TNFSF11: variants seen among roughly 807,000 people sequenced by gnomAD.
TNFSF11 encodes the protein tumor necrosis factor ligand superfamily member 11.
Under a neutral mutation model 32.2 loss-of-function variants are expected in TNFSF11, and 12 were observed. The ratio of observed to expected loss-of-function variants is 0.37; its 90% CI spans 0.24 to 0.60. The LOEUF is 0.60. Ranked by LOEUF, TNFSF11 falls within the 20% of genes least tolerant of loss-of-function variation. The pLI is 0.66. For synonymous variants in TNFSF11, 172 were observed against 152.1 expected, an observed-to-expected ratio of 1.13 and a Z score of -0.96; for missense variants, 345 against 398.0, an observed-to-expected ratio of 0.87 and a Z score of 1.13.
At position 42,606,807 on chromosome 13, in the gene TNFSF11, T is replaced by A. The variant is rs1566391626; in HGVS notation, c.843T>A (p.Phe281Leu). The A allele has an allele frequency of 6.2e-7, 1 of 1,613,538 alleles. No individual in the cohort carries two copies. The highest frequency in any genetic ancestry group is 8.5e-7 in the Non-Finnish European group (1 of 1,179,634). The change falls in exon 5 of 5, where the codon TTT becomes TTA. Residue 281 changes from phenylalanine to leucine, a missense_variant. Coordinates refer to ENST00000398795, the MANE Select transcript of TNFSF11 (RefSeq NM_003701.4). The part of the protein sequence containing the change: ...HFYSINVGGF[F>L]KLRSGEEISI... ...ATTCCATAAACGTTGGTGGATTTTT[T>A]AAGTTACGGTCTGGAGAGGAAATCA... is the stretch of plus-strand genomic sequence containing the variant.
At chr13:42,592,513 C>T (rs1194073141) in intron 2 of TNFSF11, among the ~76,000 whole-genome samples, 1 of 152,194 alleles carries the variant, frequency 6.6e-6, no homozygotes, top group Admixed American at 6.5e-5. Flanking sequence ...ACTCCCTCAG[C>T]ACCTGGCATG....
chr13:42,570,820 T>A (rs1873038779), upstream of TNFSF11, among the ~76,000 whole-genome samples: 1 of 152,196 alleles, frequency 6.6e-6, no homozygotes, highest in Non-Finnish European at 1.5e-5. Context: ...TAAAGCATTA[T>A]CTTTGCCTAA....
upstream of TNFSF11, among the ~76,000 whole-genome samples, chr13:42,573,643 G>A (rs1873150914): frequency 1.3e-5 from 2 of 152,194 alleles, no homozygotes. Flanking sequence ...AGGGATTTGG[G>A]AAGGGGATTG....
At chr13:42,591,903 T>G (rs1399915814) in intron 2 of TNFSF11, among the ~76,000 whole-genome samples, 1 of 152,172 alleles carries the variant, frequency 6.6e-6, no homozygotes, top group African/African-American at 2.4e-5. Context: ...AAAGTCTGCA[T>G]GTACAGGAGG....
At chr13:42,585,038 G>A (rs1379847943) in intron 2 of TNFSF11, among the ~76,000 whole-genome samples, 2 of 152,116 alleles carry the variant, frequency 1.3e-5, no homozygotes, top group Non-Finnish European at 2.9e-5. Flanking sequence ...AATGTGCTAG[G>A]CACCTTGCCA....
At chr13:42,606,441 G>A (rs1295681386) in intron 4 of TNFSF11, 56 bp from the exon 5 acceptor site, 1 of 1,598,422 alleles carries the variant, frequency 6.3e-7, no homozygotes, top group Non-Finnish European at 8.6e-7. Flanking sequence ...GAATTGTGAA[G>A]ACGTCCTTCT....
chr13:42,579,062 G>T (rs542835271), intron 1 of TNFSF11, among the ~76,000 whole-genome samples: 1 of 152,172 alleles, frequency 6.6e-6, no homozygotes, highest in South Asian at 2.1e-4. Flanking sequence ...AGCCCTCAGG[G>T]AGCCCACGAT....
chr13:42,587,214 C>T (rs149728792), intron 2 of TNFSF11, among the ~76,000 whole-genome samples: 12 of 152,294 alleles, frequency 7.9e-5, no homozygotes, highest in African/African-American at 2.9e-4. Context: ...GAAGACAGTA[C>T]CTGGAAGTGG....
intron 4 of TNFSF11, among the ~76,000 whole-genome samples, chr13:42,603,872 C>T (rs1313466200): frequency 6.6e-6 from 1 of 152,182 alleles, no homozygotes; most frequent in Non-Finnish European, 1.5e-5. Flanking sequence ...TTCCTAAAAA[C>T]ACCACGTAGA....
intron 2 of TNFSF11, among the ~76,000 whole-genome samples, chr13:42,568,278 CTG>C (rs1872939979): frequency 6.6e-6 from 1 of 152,230 alleles, no homozygotes; most frequent in Non-Finnish European, 1.5e-5. Flanking sequence ...GCTTAAATTC[CTG>C]TGTTACTCTT....
intron 2 of TNFSF11, among the ~76,000 whole-genome samples, chr13:42,599,589 G>A (rs1363398983): frequency 6.6e-6 from 1 of 151,898 alleles, no homozygotes; most frequent in Non-Finnish European, 1.5e-5. Context: ...TTTTGAGATG[G>A]AGTCTAACTC....
At chr13:42,572,068 T>G (rs1157836601), upstream of TNFSF11, among the ~76,000 whole-genome samples, 1 of 152,200 alleles carries the variant, frequency 6.6e-6, no homozygotes, top group Non-Finnish European at 1.5e-5. Flanking sequence ...GAAAGATACA[T>G]TACCTGTGAA....
Position 42,594,680 on chromosome 13 carries a change from CA to C in TNFSF11, c.388-6071del, listed in dbSNP as rs574494451. ...TACTGAGATTGAGCCAGCTCTGAGA[CA>C]TCTCCCTCCTCCTTAAGTTTGGCAA... On this transcript the variant is annotated intron_variant, in intron 2 of 4. Transcript: ENST00000398795. Among the ~76,000 whole-genome samples, 250 of 152,322 alleles carry C rather than the reference CA, an allele frequency of 1.6e-3. 1 individual carries two copies. Among genetic ancestry groups the C allele is most frequent in the African/African-American group, 5.4e-3 (224 of 41,572 alleles).
intron 1 of TNFSF11, among the ~76,000 whole-genome samples, chr13:42,565,816 A>C (rs565051944): frequency 1.5e-4 from 23 of 152,294 alleles, no homozygotes; most frequent in African/African-American, 5.5e-4. Flanking sequence ...AGATGGGTTT[A>C]AGTGAGAGGA....
At chr13:42,593,199 C>T (rs896050470) in intron 2 of TNFSF11, among the ~76,000 whole-genome samples, 7 of 152,156 alleles carry the variant, frequency 4.6e-5, no homozygotes, top group South Asian at 2.1e-4. Flanking sequence ...ACCTGTCATG[C>T]GGGAAATTCC....
intron 1 of TNFSF11, among the ~76,000 whole-genome samples, chr13:42,579,157 C>G (rs1873464393): frequency 6.6e-6 from 1 of 151,790 alleles, no homozygotes; most frequent in South Asian, 2.1e-4. Context: ...CTTTGGGAGG[C>G]CAAGGAGGGA....
intron 2 of TNFSF11, among the ~76,000 whole-genome samples, chr13:42,594,148 C>T (rs1340482412): frequency 2.0e-5 from 3 of 151,318 alleles, no homozygotes; most frequent in Admixed American, 6.6e-5. Flanking sequence ...GGTGTGATCT[C>T]GGCTCACTGT....
chr13:42,582,085 A>G (rs1254720388), intron 2 of TNFSF11, among the ~76,000 whole-genome samples: 2 of 152,156 alleles, frequency 1.3e-5, no homozygotes, highest in African/African-American at 4.8e-5. Context: ...GCATGCATCC[A>G]CTTCTACATC....
At chr13:42,589,692 A>G (rs1380714853) in intron 2 of TNFSF11, among the ~76,000 whole-genome samples, 2 of 152,172 alleles carry the variant, frequency 1.3e-5, no homozygotes, top group East Asian at 1.9e-4. Context: ...CGACCTGGCC[A>G]TACCCTTTCG....
Sources: gnomAD v4.1 joint callset for allele counts (sites outside exome capture counted in the v4.1 genomes callset) on GRCh38, gnomAD v4.1.1 for gene constraint, MANE v1.5 for transcripts, NCBI Gene and HGNC (gene_info 2026-07-23, HGNC 2026-07-21) for gene names.